MRPL48: variants seen among roughly 807,000 people sequenced by gnomAD.
MRPL48 encodes mitochondrial ribosomal protein L48.
A neutral mutation model predicts 32.9 loss-of-function variants in MRPL48; 16 were observed. The observed-to-expected ratio is 0.49, with a 90% confidence interval of 0.33 to 0.74. The LOEUF (loss-of-function observed/expected upper bound fraction) is 0.74. Among genes scored for constraint, MRPL48 ranks in the 30% least tolerant of loss-of-function variants. The pLI, the probability that MRPL48 is intolerant of heterozygous loss-of-function variation, is 0.02. For missense variants in MRPL48, 206 were observed against 245.3 expected, an observed-to-expected ratio of 0.84 and a Z score of 1.07; for synonymous variants, 94 against 89.2, an observed-to-expected ratio of 1.05 and a Z score of -0.31.
At chr11:73,795,023 G>A (rs1947230700) in intron 1 of MRPL48, among the ~76,000 whole-genome samples, 1 of 151,582 alleles carries the variant, frequency 6.6e-6, no homozygotes. Flanking sequence ...CAATTCTCCT[G>A]CCTCAGCCTC....
In MRPL48 at chr11:73,799,545, T is replaced by G. The variant is rs979738083; in HGVS notation, c.22-5482T>G. Among the ~76,000 whole-genome samples, 4 of 152,342 alleles carry G rather than the reference T, an allele frequency of 2.6e-5. No homozygotes were observed. In the South Asian group the frequency reaches 8.3e-4, roughly 32 times the overall value. ...TGCATTAGGCATGTTAATTCGCTTTTCTGAGCTTTGATTTCCTCACTATAA... is the reference window on the plus strand; with the variant it reads ...TGCATTAGGCATGTTAATTCGCTTTGCTGAGCTTTGATTTCCTCACTATAA... On this transcript the variant is annotated intron_variant, in intron 1 of 7. Coordinates refer to ENST00000310614, the MANE Select transcript of MRPL48 (RefSeq NM_016055.6).
At chr11:73,855,064 G>A (rs922175652) in intron 5 of MRPL48, among the ~76,000 whole-genome samples, 3 of 152,094 alleles carry the variant, frequency 2.0e-5, no homozygotes, top group Admixed American at 6.6e-5. Context: ...ATAGAACTAT[G>A]TCCAGCAACT....
intron 4 of MRPL48, among the ~76,000 whole-genome samples, chr11:73,839,799 A>G (rs1948158970): frequency 6.6e-6 from 1 of 152,276 alleles, no homozygotes; most frequent in Non-Finnish European, 1.5e-5. Context: ...AAAAATAAGA[A>G]CTTAATTTCA....
intron 1 of MRPL48, among the ~76,000 whole-genome samples, chr11:73,793,861 T>C (rs1037304061): frequency 2.7e-5 from 4 of 150,280 alleles, no homozygotes; most frequent in African/African-American, 7.3e-5. Context: ...GTTTCGTGTT[T>C]TTTTTTTTTT....
At chr11:73,813,328 C>A (rs1001360682) in intron 3 of MRPL48, among the ~76,000 whole-genome samples, 1 of 151,176 alleles carries the variant, frequency 6.6e-6, no homozygotes, top group South Asian at 2.1e-4. Context: ...TGTGCCACCA[C>A]GCCTGGCTAA....
intron 3 of MRPL48, chr11:73,823,016 G>A: frequency 2.2e-6 from 1 of 451,834 alleles, no homozygotes; most frequent in Non-Finnish European, 4.4e-6. Context: ...CCCCCAGATG[G>A]GACTGTCTAG....
chr11:73,845,415 A>C (rs1948270800), intron 5 of MRPL48, among the ~76,000 whole-genome samples: 3 of 152,200 alleles, frequency 2.0e-5, no homozygotes, highest in Admixed American at 2.0e-4. Flanking sequence ...GTGATATCAA[A>C]TGCATTCATA....
chr11:73,858,684 C>T (rs1388537588), intron 5 of MRPL48, among the ~76,000 whole-genome samples: 1 of 152,194 alleles, frequency 6.6e-6, no homozygotes, highest in Non-Finnish European at 1.5e-5. Flanking sequence ...TTTCATTTAT[C>T]TTCAGTTTGA....
chr11:73,858,411 C>T (rs1227418301), intron 5 of MRPL48, among the ~76,000 whole-genome samples: 1 of 152,166 alleles, frequency 6.6e-6, no homozygotes, highest in Non-Finnish European at 1.5e-5. Context: ...CCTGAATTCC[C>T]AAATTCAAAT....
intron 1 of MRPL48, among the ~76,000 whole-genome samples, chr11:73,804,431 C>G (rs1389155033): frequency 2.0e-5 from 3 of 152,074 alleles, no homozygotes; most frequent in Non-Finnish European, 4.4e-5. Context: ...CATGCACCAC[C>G]ATGCCCGGCT....
chr11:73,788,072 G>T (rs1947075165), intron 1 of MRPL48, 80 bp downstream of exon 1: 1 of 1,573,538 alleles, frequency 6.4e-7, no homozygotes, highest in Non-Finnish European at 8.7e-7. Flanking sequence ...GGTGCAGAGC[G>T]GGGAGGTGGC....
chr11:73,829,096 A>AC (rs1444889597), intron 4 of MRPL48, among the ~76,000 whole-genome samples: 4 of 151,996 alleles, frequency 2.6e-5, no homozygotes, highest in African/African-American at 9.6e-5. Flanking sequence ...GTCTGTCCCC[A>AC]CCTTCCTCTC....
chr11:73,787,899 C>A lies in MRPL48; in HGVS notation c.-73C>A. Reference sequence around the variant, plus strand: ...GTCAAGGCCGTTCCTTCAGTGTTTTCAGACGCCCTGGGAACGCGGCTGCAG... The same window carrying A: ...GTCAAGGCCGTTCCTTCAGTGTTTTAAGACGCCCTGGGAACGCGGCTGCAG... On this transcript the variant is annotated 5_prime_UTR_variant, in exon 1 of 8. Transcript: ENST00000310614. 1 of 1,578,032 alleles carries A rather than the reference C, an allele frequency of 6.3e-7. No individual in the cohort carries two copies. The highest frequency in any genetic ancestry group is 1.8e-5 in the Admixed American group (1 of 56,030).
chr11:73,861,447 G>A (rs997146674), intron 6 of MRPL48, among the ~76,000 whole-genome samples: 2 of 152,102 alleles, frequency 1.3e-5, no homozygotes, highest in Admixed American at 6.6e-5. Context: ...TCGGCTCACC[G>A]CAACCTTCGC....
chr11:73,808,640 G>C (rs1373307891), intron 3 of MRPL48, among the ~76,000 whole-genome samples: 3 of 152,326 alleles, frequency 2.0e-5, no homozygotes, highest in South Asian at 2.1e-4. Context: ...CAGGCTGTGA[G>C]GCCGGGTGCG....
intron 4 of MRPL48, among the ~76,000 whole-genome samples, chr11:73,839,518 T>C (rs1948155250): frequency 6.6e-6 from 1 of 152,220 alleles, no homozygotes; most frequent in East Asian, 1.9e-4. Flanking sequence ...GTGCTTGTTA[T>C]ATGACATAGG....
chr11:73,792,221 G>A (rs1045129357), intron 1 of MRPL48, among the ~76,000 whole-genome samples: 1 of 152,244 alleles, frequency 6.6e-6, no homozygotes, highest in Non-Finnish European at 1.5e-5. Context: ...ATGATGGCAG[G>A]ATGGTATCTA....
At chr11:73,811,451 T>C (rs890942983) in intron 3 of MRPL48, among the ~76,000 whole-genome samples, 6 of 151,874 alleles carry the variant, frequency 4.0e-5, no homozygotes, top group African/African-American at 1.2e-4. Flanking sequence ...AGAGGTTTTT[T>C]TAAAAATTGT....
chr11:73,836,876 G>A (rs1201759837), intron 4 of MRPL48, among the ~76,000 whole-genome samples: 1 of 152,294 alleles, frequency 6.6e-6, no homozygotes, highest in African/African-American at 2.4e-5. Context: ...TAGGATTTGA[G>A]GTCAGATTTT....
Sources: allele counts gnomAD v4.1 joint callset (sites outside exome capture counted in the v4.1 genomes callset), GRCh38; gene constraint gnomAD v4.1.1; transcripts MANE v1.5; gene names NCBI Gene and HGNC (gene_info 2026-07-23, HGNC 2026-07-21).